CHD8: variants seen among roughly 807,000 people sequenced by gnomAD.
The protein encoded by CHD8 is ATP-dependent chromatin remodeler CHD8.
In CHD8, 31 loss-of-function variants were observed where a neutral mutation model predicts 279.2. The ratio of observed to expected loss-of-function variants is 0.11; its 90% CI spans 0.08 to 0.15. CHD8 has a LOEUF of 0.15. Ranked by LOEUF, CHD8 falls within the 10% of genes least tolerant of loss-of-function variation. CHD8 has a pLI of 1.00. For synonymous variants in CHD8, 1,081 were observed against 1,139.6 expected (o/e 0.95, Z 1.04); for missense variants, 2,146 against 3,230.5 (o/e 0.66, Z 8.14).
In CHD8 at chr14:21,405,438, C is replaced by T; in HGVS notation, c.3078G>A (p.Lys1026=). ...CTTTGAGTCTTCTCAGCATCATTGGCTTAAGAATGGCCTGTAGCTTTTGAA... is the reference window on the plus strand; with the variant it reads ...CTTTGAGTCTTCTCAGCATCATTGGTTTAAGAATGGCCTGTAGCTTTTGAA... ...EQVQKLQAIL[K]PMMLRRLKED... The change falls in exon 16 of 38, where the codon AAG becomes AAA. Residue 1026 remains lysine, a synonymous_variant. Coordinates refer to ENST00000646647, the MANE Select transcript of CHD8 (RefSeq NM_001170629.2). The surrounding 1 kb of genome is among the most constrained non-coding windows in gnomAD (Gnocchi z 4.2). 6.2e-7 allele frequency: 1 copy of T among 1,602,312 alleles called. No homozygotes were observed. Among genetic ancestry groups the T allele is most frequent in the Admixed American group, 1.7e-5 (1 of 57,760 alleles).
intron 20 of CHD8, 119 bp downstream of exon 20, chr14:21,401,837 CA>C (rs1373137161): frequency 7.5e-6 from 7 of 938,924 alleles, no homozygotes; most frequent in Non-Finnish European, 9.6e-6. Flanking sequence ...CTGCCCGCCT[CA>C]GCCTCCCAAA....
rs1311893338 is a variant in CHD8, at chr14:21,414,918, T to A, written c.2024+20A>T. On this transcript the variant is annotated intron_variant, in intron 8 of 37. Coordinates refer to ENST00000646647, the MANE Select transcript of CHD8 (RefSeq NM_001170629.2). ...CCCTGTGGAATTTGGGGTGACAAGC[T>A]TTTTGCACAGATCACGTACTAGTTC... 6.3e-7 allele frequency: 1 copy of A among 1,593,164 alleles called. No homozygotes were observed. Among genetic ancestry groups the A allele is most frequent in the Admixed American group, 1.7e-5 (1 of 57,586 alleles).
At chr14:21,392,390 T>C in intron 34 of CHD8, 117 bp downstream of exon 34, 1 of 1,040,366 alleles carries the variant, frequency 9.6e-7, no homozygotes, top group Non-Finnish European at 1.4e-6. Flanking sequence ...GTAAGCTCTG[T>C]TTTCTCATTT....
intron 13 of CHD8, among the ~76,000 whole-genome samples, chr14:21,407,545 A>T (rs1334311094): frequency 6.6e-6 from 1 of 152,232 alleles, no homozygotes; most frequent in Non-Finnish European, 1.5e-5. Context: ...AATAAAATTC[A>T]TGTTAATACA....
chr14:21,420,641 A>G (rs1005233709), intron 5 of CHD8, among the ~76,000 whole-genome samples: 3 of 152,210 alleles, frequency 2.0e-5, no homozygotes, highest in African/African-American at 7.2e-5. Flanking sequence ...AGAGAAGAGT[A>G]GGTATGGAAT....
chr14:21,391,096 A>G (rs1167499034), intron 36 of CHD8, 33 bp from the exon 37 acceptor site: 1 of 1,291,228 alleles, frequency 7.7e-7, no homozygotes, highest in South Asian at 1.3e-5. Flanking sequence ...TCCTAGAGGA[A>G]TAGAAATCTT....
In CHD8 at chr14:21,402,233, G is replaced by C. The variant is rs1052541239; in HGVS notation, c.3883-97C>G. The C allele has an allele frequency of 6.7e-7, 1 of 1,493,434 alleles. No individual in the cohort carries two copies. The highest frequency in any genetic ancestry group is 9.2e-7 in the Non-Finnish European group (1 of 1,087,248). The allele number at this position is 1,493,434 out of a possible 1,614,324, so 92.5% of individuals were successfully genotyped here. A position where few individuals can be genotyped will look rare whatever the true frequency, so the allele number is the denominator to read the frequency against. ...TATTATATTTTAAGAAATAATAATTGAGAATCCAAACAAGGTAGTCAAATC... is the reference window on the plus strand; with the variant it reads ...TATTATATTTTAAGAAATAATAATTCAGAATCCAAACAAGGTAGTCAAATC... On this transcript the variant is annotated intron_variant, in intron 19 of 37. Coordinates refer to ENST00000646647, the MANE Select transcript of CHD8 (RefSeq NM_001170629.2). The surrounding 1 kb of genome is among the most constrained non-coding windows in gnomAD (Gnocchi z 4.5).
In CHD8 at chr14:21,403,419, G is replaced by C; in HGVS notation, c.3518+34C>G. ...TACTTTTTGCTGCTTTATGAGGACA[G>C]AGTAACCACAGGCTAGGATGACTCT... On this transcript the variant is annotated intron_variant, in intron 17 of 37. Transcript: ENST00000646647. This position sits in a 1 kb window ranked among gnomAD's most constrained non-coding sequence, Gnocchi z 4.3. The C allele has an allele frequency of 2.6e-6, 4 of 1,539,896 alleles. No individual in the cohort carries two copies. The highest frequency in any genetic ancestry group is 3.6e-6 in the Non-Finnish European group (4 of 1,121,104).
chr14:21,401,640 A>C, intron 20 of CHD8, 127 bp from the exon 21 acceptor site: 1 of 636,102 alleles, frequency 1.6e-6, no homozygotes, highest in Non-Finnish European at 2.6e-6. Flanking sequence ...GCTGGGGTAC[A>C]GTGGCACGAT....
In CHD8 at chr14:21,393,540, GGAA is replaced by G. The variant is rs150254629; in HGVS notation, c.6252_6254del (p.Ser2094del). ...TGGAGCTGGAGCTGGATGAGGATGA[GGAA>G]GAAGAAGAAGATGGTGACAGCTTGC... On this transcript the variant is annotated inframe_deletion, in exon 32 of 38. Transcript: ENST00000646647. The G allele has an allele frequency of 7.2e-5, 115 of 1,604,632 alleles. 1 individual carries two copies. Among genetic ancestry groups the G allele is most frequent in the East Asian group, 3.6e-4 (16 of 44,574 alleles).
At chr14:21,419,035 A>G (rs1888888359) in intron 5 of CHD8, among the ~76,000 whole-genome samples, 1 of 152,228 alleles carries the variant, frequency 6.6e-6, no homozygotes, top group Non-Finnish European at 1.5e-5. Flanking sequence ...AAATTTGTGC[A>G]TATTTTATGA....
In CHD8 at chr14:21,431,263, C is replaced by T; in HGVS notation, c.381G>A (p.Glu127=). The part of the protein sequence containing the change: ...SGLLQVSKSQ[E]ILSQGNPFMG... The stretch of plus-strand genomic sequence containing the variant: ...TGAAAGGATTCCCTTGGCTCAGGAT[C>T]TCCTGGCTCTTGGAGACTTGCAAAA... Residue 127 remains glutamate, a synonymous_variant, in exon 2 of 38, where the codon GAG becomes GAA. Coordinates refer to ENST00000646647, the MANE Select transcript of CHD8 (RefSeq NM_001170629.2). The T allele has an allele frequency of 5.0e-6, 8 of 1,592,898 alleles. No individual in the cohort carries two copies. The highest frequency in any genetic ancestry group is 6.8e-6 in the Non-Finnish European group (8 of 1,176,798).
At chr14:21,435,236 G>A (rs780674026) in intron 1 of CHD8, among the ~76,000 whole-genome samples, 10 of 152,160 alleles carry the variant, frequency 6.6e-5, no homozygotes, top group African/African-American at 9.7e-5. Flanking sequence ...GCAGTGGAAG[G>A]GAAAAGTAAC....
At chr14:21,397,719 CT>C in intron 27 of CHD8, 103 bp downstream of exon 27, 1 of 1,234,214 alleles carries the variant, frequency 8.1e-7, no homozygotes, top group Non-Finnish European at 1.1e-6. Context: ...GGATCTATCA[CT>C]TTTGAGTATA....
chr14:21,454,106 C>G (rs889784562), intron 1 of CHD8, among the ~76,000 whole-genome samples: 3 of 150,138 alleles, frequency 2.0e-5, no homozygotes, highest in African/African-American at 7.4e-5. Context: ...TGCAGTGAGC[C>G]GAGATCCTGC....
At chr14:21,410,618 G>A in intron 10 of CHD8, among the ~76,000 whole-genome samples, 1 of 152,220 alleles carries the variant, frequency 6.6e-6, no homozygotes. Context: ...GAAAGTGAAG[G>A]GGCAGTGACC....
chr14:21,395,571 T>C lies in CHD8; in HGVS notation c.5128-219A>G, dbSNP rs553879803. 48 of 590,272 alleles carry C rather than the reference T, an allele frequency of 8.1e-5. No homozygotes were observed. The South Asian group carries it at 8.2e-4, about 10-fold the overall frequency. 36.6% of individuals were successfully genotyped at this position (590,272 alleles called of 1,614,324 possible). On this transcript the variant is annotated intron_variant, in intron 28 of 37. Coordinates refer to ENST00000646647, the MANE Select transcript of CHD8 (RefSeq NM_001170629.2). The stretch of plus-strand genomic sequence containing the variant: ...GTTCCTATTAACGACTCAAAGATAA[T>C]AGAAGTCAGGAATTTATTAGTCAAA...
At chr14:21,398,926 T>C (rs1887910962) in intron 26 of CHD8, 4 of 352,582 alleles carry the variant, frequency 1.1e-5, no homozygotes, top group South Asian at 1.1e-4. Context: ...GACATAGAGA[T>C]GCAGATCTCT....
chr14:21,452,609 G>A (rs1485152409), intron 1 of CHD8, among the ~76,000 whole-genome samples: 3 of 151,706 alleles, frequency 2.0e-5, no homozygotes, highest in African/African-American at 7.3e-5. Flanking sequence ...GCGCCACTGC[G>A]CTCCAGCCTG....
Sources: allele counts gnomAD v4.1 joint callset (sites outside exome capture counted in the v4.1 genomes callset), GRCh38; gene constraint gnomAD v4.1.1; non-coding constraint Gnocchi (gnomAD v3.1); transcripts MANE v1.5; gene names NCBI Gene and HGNC (gene_info 2026-07-23, HGNC 2026-07-21).